ERICH6: variants seen among roughly 807,000 people sequenced by gnomAD.
The protein encoded by ERICH6 is glutamate rich 6.
In ERICH6, 71 loss-of-function variants were observed where a neutral mutation model predicts 71.0. The ratio of observed to expected loss-of-function variants is 1.00; its 90% CI spans 0.83 to 1.22. ERICH6 has a LOEUF of 1.22. Among genes scored for constraint, ERICH6 ranks in the 50% most tolerant of loss-of-function variants. The probability of loss-of-function intolerance (pLI) is 0.00; values close to 1 mark genes in which losing one functional copy is unlikely to be tolerated. For synonymous variants in ERICH6, 262 were observed against 278.4 expected (o/e 0.94, Z 0.59); for missense variants, 808 against 797.2 (o/e 1.01, Z -0.16).
intron 9 of ERICH6, 55 bp downstream of exon 9, chr3:150,680,413 C>T: frequency 6.4e-7 from 1 of 1,562,354 alleles, no homozygotes; most frequent in Non-Finnish European, 8.8e-7. Context: ...GGTTAAACAT[C>T]TGAGCTTTCT....
At chr3:150,702,466 C>T (rs1712925951) in intron 1 of ERICH6, among the ~76,000 whole-genome samples, 1 of 151,946 alleles carries the variant, frequency 6.6e-6, no homozygotes, top group Non-Finnish European at 1.5e-5. Flanking sequence ...TTAGTAGAGA[C>T]GGGGTTTCAC....
intron 13 of ERICH6, among the ~76,000 whole-genome samples, chr3:150,665,515 C>CAAAAAAAAAAA (rs59227415): frequency 1.6e-5 from 1 of 63,444 alleles, no homozygotes; most frequent in African/African-American, 7.3e-5. Flanking sequence ...GACTCCATCT[C>CAAAAAAAAAAA]AAAAAAAAAA....
intron 7 of ERICH6, among the ~76,000 whole-genome samples, chr3:150,681,446 A>G (rs1711932279): frequency 6.6e-6 from 1 of 152,166 alleles, no homozygotes; most frequent in Admixed American, 6.5e-5. Flanking sequence ...CCATTCATCC[A>G]TTGATGGACA....
At chr3:150,703,280 C>T (rs1010165264) in intron 1 of ERICH6, among the ~76,000 whole-genome samples, 4 of 151,766 alleles carry the variant, frequency 2.6e-5, no homozygotes, top group Non-Finnish European at 5.9e-5. Context: ...TATGGTGTTT[C>T]GCCTATATCC....
At chr3:150,703,234 A>AG (rs1239830892) in intron 1 of ERICH6, among the ~76,000 whole-genome samples, 1 of 152,018 alleles carries the variant, frequency 6.6e-6, no homozygotes, top group Non-Finnish European at 1.5e-5. Context: ...TAAAAAAAAA[A>AG]AAGCACTTCA....
chr3:150,680,648 A>C, intron 8 of ERICH6, 110 bp from the exon 9 acceptor site: 1 of 1,561,880 alleles, frequency 6.4e-7, no homozygotes, highest in Non-Finnish European at 8.7e-7. Flanking sequence ...TTGATCTGTT[A>C]TTACTTGTGA....
At chr3:150,664,225 G>T (rs981117432) in intron 13 of ERICH6, among the ~76,000 whole-genome samples, 2 of 151,978 alleles carry the variant, frequency 1.3e-5, no homozygotes, top group African/African-American at 4.8e-5. Flanking sequence ...TATTTATATT[G>T]AATTCAATAT....
intron 12 of ERICH6, 127 bp from the exon 13 acceptor site, chr3:150,667,142 C>T (rs1252063329): frequency 1.2e-6 from 1 of 805,648 alleles, no homozygotes; most frequent in Non-Finnish European, 2.0e-6. Context: ...GTGGTGGAAA[C>T]TTCAGGTAAT....
chr3:150,673,750 A>T (rs1711551440), intron 11 of ERICH6, among the ~76,000 whole-genome samples: 1 of 151,958 alleles, frequency 6.6e-6, no homozygotes, highest in Non-Finnish European at 1.5e-5. Flanking sequence ...CATCACGCCC[A>T]GCTAACACTT....
At chr3:150,697,940 G>T (rs1712714250) in intron 3 of ERICH6, among the ~76,000 whole-genome samples, 1 of 152,116 alleles carries the variant, frequency 6.6e-6, no homozygotes, top group African/African-American at 2.4e-5. Flanking sequence ...CTAGAAGGAG[G>T]CACTTGCTGT....
chr3:150,700,241 A>ATTTTTTTTTTTTTT (rs34624356), intron 2 of ERICH6, among the ~76,000 whole-genome samples: 14 of 110,960 alleles, frequency 1.3e-4, no homozygotes, highest in African/African-American at 1.5e-4. Flanking sequence ...TGCCCGGCTA[A>ATTTTTTTTTTTTTT]TTTTTTTTTT....
At chr3:150,700,326 G>A (rs1576565145) in intron 2 of ERICH6, among the ~76,000 whole-genome samples, 1 of 146,752 alleles carries the variant, frequency 6.8e-6, no homozygotes, top group Admixed American at 6.9e-5. Context: ...CTTCTTTTTG[G>A]CAGGTTTTTA....
intron 3 of ERICH6, among the ~76,000 whole-genome samples, chr3:150,695,180 T>C (rs1712608181): frequency 6.6e-6 from 1 of 152,070 alleles, no homozygotes; most frequent in African/African-American, 2.4e-5. Flanking sequence ...GTAAAAACAA[T>C]AGAGAATAGA....
intron 3 of ERICH6, among the ~76,000 whole-genome samples, chr3:150,686,842 C>A (rs1452345408): frequency 2.6e-5 from 4 of 152,112 alleles, no homozygotes; most frequent in African/African-American, 9.7e-5. Flanking sequence ...ATCCAAATTG[C>A]CAACATCACT....
At chr3:150,702,380 T>C (rs552780254) in intron 1 of ERICH6, among the ~76,000 whole-genome samples, 4 of 147,942 alleles carry the variant, frequency 2.7e-5, no homozygotes, top group East Asian at 2.1e-4. Context: ...GGGTTCACGC[T>C]ATTCTCCTGC....
At chr3:150,695,825 G>T (rs540696356) in intron 3 of ERICH6, among the ~76,000 whole-genome samples, 1 of 150,462 alleles carries the variant, frequency 6.6e-6, no homozygotes, top group African/African-American at 2.4e-5. Flanking sequence ...AGGTACACTA[G>T]GTTCCTGAAA....
rs143111501 is a variant in ERICH6, at chr3:150,685,801, C to T, written c.724G>A (p.Gly242Arg). ...TTGTATGCCAGAATGGATGGTGGTCCGATGCTGGGTAACGTTCTTAGAGAA... is the reference window on the plus strand; with the variant it reads ...TTGTATGCCAGAATGGATGGTGGTCTGATGCTGGGTAACGTTCTTAGAGAA... ...EPSLRTLPSIGPPSILAYKEE... is the reference protein window; with the variant it reads ...EPSLRTLPSIRPPSILAYKEE... The change falls in exon 6 of 14, where the codon GGA (glycine) becomes AGA (arginine). Residue 242 changes from glycine (G) to arginine (R), a missense_variant. Gly to Arg is a moderately radical substitution (Grantham distance 125, BLOSUM62 -2). This residue lies in a region of ERICH6 where 736 missense variants were observed against 712.2 expected (regional missense o/e 1.03). Coordinates refer to ENST00000295910, the MANE Select transcript of ERICH6 (RefSeq NM_152394.5). 3.3e-4 allele frequency: 534 copies of T among 1,613,900 alleles called. No individual in the cohort carries two copies. Among genetic ancestry groups the T allele is most frequent in the Non-Finnish European group, 4.2e-4 (493 of 1,180,004 alleles).
rs115742117 is a variant in ERICH6 at position 150,687,605 on chromosome 3, G to A, written c.554-1251C>T. Among the ~76,000 whole-genome samples the A allele has an allele frequency of 2.0e-3, 311 of 152,274 alleles. 2 individuals carry two copies. The highest frequency in any genetic ancestry group is 7.2e-3 in the African/African-American group (301 of 41,562). Reference sequence around the variant, plus strand: ...CCAGGATTATTCTATCTAGATTCCAGAGCAGCACTGGAAATGGGGAAGAAG... The same window carrying A: ...CCAGGATTATTCTATCTAGATTCCAAAGCAGCACTGGAAATGGGGAAGAAG... On this transcript the variant is annotated intron_variant, in intron 3 of 13. Coordinates refer to ENST00000295910, the MANE Select transcript of ERICH6 (RefSeq NM_152394.5).
At chr3:150,701,174 T>C (rs1003449463) in intron 2 of ERICH6, among the ~76,000 whole-genome samples, 5 of 152,152 alleles carry the variant, frequency 3.3e-5, no homozygotes, top group African/African-American at 1.2e-4. Context: ...AGAAGAAAGA[T>C]GGAAGGAGGA....
Sources: gnomAD v4.1 joint callset for allele counts (sites outside exome capture counted in the v4.1 genomes callset) on GRCh38, gnomAD v4.1.1 for gene constraint, gnomAD v4.1.1 regional missense constraint, MANE v1.5 for transcripts, NCBI Gene and HGNC (gene_info 2026-07-23, HGNC 2026-07-21) for gene names.